NIPA2: variants seen among roughly 807,000 people sequenced by gnomAD.
NIPA2 encodes the protein NIPA magnesium transporter 2.
A neutral mutation model predicts 29.7 loss-of-function variants in NIPA2; 11 were observed. The observed-to-expected ratio is 0.37, with a 90% CI of 0.23 to 0.61. The LOEUF (loss-of-function observed/expected upper bound fraction) is 0.61, where lower values mean the gene tolerates loss of function less well. Ranked by LOEUF, NIPA2 falls within the 20% of genes least tolerant of loss-of-function variation. NIPA2 has a pLI of 0.66. For synonymous variants in NIPA2, 183 were observed against 161.9 expected (o/e 1.13, Z -0.99); for missense variants, 426 against 437.9 (o/e 0.97, Z 0.24).
intron 7 of NIPA2, among the ~76,000 whole-genome samples, chr15:22,861,098 A>G (rs746183120): frequency 2.6e-5 from 4 of 152,210 alleles, no homozygotes; most frequent in Non-Finnish European, 5.9e-5. Context: ...TCATTGATAC[A>G]TAACTTTTAT....
intron 7 of NIPA2, among the ~76,000 whole-genome samples, chr15:22,864,322 T>G (rs1213999299): frequency 6.6e-6 from 1 of 151,934 alleles, no homozygotes; most frequent in Non-Finnish European, 1.5e-5. Context: ...GCCTGGCTAA[T>G]TTTTTGTATT....
At chr15:22,862,267 C>T (rs943253054) in intron 7 of NIPA2, among the ~76,000 whole-genome samples, 1 of 151,276 alleles carries the variant, frequency 6.6e-6, no homozygotes, top group African/African-American at 2.4e-5. Context: ...AGGCTGGTCT[C>T]GAATTCCTGA....
chr15:22,864,968 TCTC>T (rs2058885844), intron 7 of NIPA2, among the ~76,000 whole-genome samples: 1 of 151,948 alleles, frequency 6.6e-6, no homozygotes, highest in Non-Finnish European at 1.5e-5. Flanking sequence ...TTCAAGCGAT[TCTC>T]CTGTTTCAGC....
chr15:22,851,525 G>T, intron 3 of NIPA2, 114 bp from the exon 4 acceptor site: 1 of 338,924 alleles, frequency 3.0e-6, no homozygotes, highest in South Asian at 9.5e-5. Context: ...ATCAATATTA[G>T]TAATGAAGGA....
At position 22,851,833 on chromosome 15, in the gene NIPA2, C is replaced by T. The variant is rs1355186213; in HGVS notation, c.102C>T (p.Gly34=). Residue 34 remains glycine (G), a synonymous_variant, in exon 4 of 8, where the codon GGC becomes GGT. Transcript: ENST00000337451. ...IGGSFILKKK[G]LLRLARKGSM... is the part of the protein sequence containing the mutation. ...GAAGTTTCATTTTGAAAAAAAAGGG[C>T]CTCCTTCGACTTGCCAGGAAAGGCT... 1 of 1,613,642 alleles carries T rather than the reference C, an allele frequency of 6.2e-7. No homozygotes were observed. The highest frequency in any genetic ancestry group is 1.1e-5 in the South Asian group (1 of 91,054).
At chr15:22,866,112 A>T (rs372661694) in intron 7 of NIPA2, 101 bp from the exon 8 acceptor site, 1 of 960,858 alleles carries the variant, frequency 1.0e-6, no homozygotes, top group East Asian at 2.6e-5. Flanking sequence ...TTTCCAGGCC[A>T]TACCTTTTCT....
In NIPA2 at chr15:22,866,939, T is replaced by C; in HGVS notation, c.*92T>C. The C allele has an allele frequency of 1.6e-6, 2 of 1,259,500 alleles. No individual in the cohort carries two copies. Among genetic ancestry groups the C allele is most frequent in the African/African-American group, 1.5e-5 (1 of 67,090 alleles). The allele number at this position is 1,259,500 out of a possible 1,614,324, so 78.0% of individuals were successfully genotyped here. A position where few individuals can be genotyped will look rare whatever the true frequency, so the allele number is the denominator to read the frequency against. Reference sequence around the variant, plus strand: ...CTGAAAAAACATTGTCCTCAAATAATGTTCTTTAAAGGCAATCTTTTTAAA... The same window carrying C: ...CTGAAAAAACATTGTCCTCAAATAACGTTCTTTAAAGGCAATCTTTTTAAA... On this transcript the variant is annotated 3_prime_UTR_variant, in exon 8 of 8. Coordinates refer to ENST00000337451, the MANE Select transcript of NIPA2 (RefSeq NM_030922.7).
intron 2 of NIPA2, among the ~76,000 whole-genome samples, chr15:22,843,890 G>T (rs936481752): frequency 3.3e-5 from 5 of 152,108 alleles, no homozygotes; most frequent in African/African-American, 1.2e-4. Context: ...TAGAGATGGG[G>T]TTTCACCATG....
chr15:22,842,963 A>T (rs887056331), intron 2 of NIPA2, among the ~76,000 whole-genome samples: 35 of 151,766 alleles, frequency 2.3e-4, no homozygotes, highest in East Asian at 3.9e-4. Flanking sequence ...AGATTGCGTC[A>T]CTGCACTCCA....
rs749723731 is a variant in NIPA2 at position 22,866,756 on chromosome 15, TTAATAA to T, written c.997_1002del (p.Asn333_Asn334del). ...AATCTCTCTAATATGTATGAAGTTC[TTAATAA>T]TAATGAAGAAAGCTTAACCTGTGGA... On this transcript the variant is annotated inframe_deletion, in exon 8 of 8. Transcript: ENST00000337451. The T allele has an allele frequency of 2.3e-5, 37 of 1,613,718 alleles. No homozygotes were observed. The South Asian group carries it at 3.5e-4, about 15-fold the overall frequency.
chr15:22,856,830 G>C (rs542942874), intron 5 of NIPA2, among the ~76,000 whole-genome samples: 4 of 152,136 alleles, frequency 2.6e-5, no homozygotes. Flanking sequence ...GCTCTCATAC[G>C]CTGCTAAATG....
intron 4 of NIPA2, 58 bp from the exon 5 acceptor site, chr15:22,853,154 T>C (rs942541670): frequency 1.8e-5 from 20 of 1,138,614 alleles, no homozygotes; most frequent in Non-Finnish European, 2.4e-5. Flanking sequence ...CTAATAGTTA[T>C]AATTTATACA....
intron 7 of NIPA2, among the ~76,000 whole-genome samples, chr15:22,862,914 T>TA (rs2141545123): frequency 6.8e-6 from 1 of 147,556 alleles, no homozygotes; most frequent in Non-Finnish European, 1.5e-5. Context: ...TTTTTTTTTT[T>TA]TTTTGGAGAC....
chr15:22,844,758 C>CACAACAACAACA lies in NIPA2; in HGVS notation c.-215-377_-215-366dup, dbSNP rs200008818. Among the ~76,000 whole-genome samples the CACAACAACAACA allele has an allele frequency of 1.1e-3, 168 of 151,914 alleles. 1 individual carries two copies. The highest frequency in any genetic ancestry group is 2.2e-3 in the Non-Finnish European group (148 of 67,928). ...AACAGAGTGAGACACTGTCAAAAAC[C>CACAACAACAACA]ACAACAACAACAACAACAACAAAAA... is the stretch of plus-strand genomic sequence containing the variant. On this transcript the variant is annotated intron_variant, in intron 2 of 7. Transcript: ENST00000337451.
rs2059268315 is a variant in NIPA2 at position 22,868,134 on chromosome 15, A to AGCTC, written c.*1288_*1291dup. The AGCTC allele has an allele frequency of 2.0e-5, 3 of 152,252 alleles. No homozygotes were observed. The highest frequency in any genetic ancestry group is 1.3e-4 in the Admixed American group (2 of 15,292). The allele number at this position is 152,252 out of a possible 1,614,324, so 9.4% of individuals were successfully genotyped here. A position where few individuals can be genotyped will look rare whatever the true frequency, so the allele number is the denominator to read the frequency against. On this transcript the variant is annotated 3_prime_UTR_variant, in exon 8 of 8. Coordinates refer to ENST00000337451, the MANE Select transcript of NIPA2 (RefSeq NM_030922.7). ...TGCCAATGGTGCTGGTATCCCATGCAGCTCACCACTGGCTGCGTGGAAACT... is the reference window on the plus strand; with the variant it reads ...TGCCAATGGTGCTGGTATCCCATGCAGCTCGCTCACCACTGGCTGCGTGGAAACT...
chr15:22,840,298 T>G (rs892214830), intron 2 of NIPA2, among the ~76,000 whole-genome samples: 27 of 144,230 alleles, frequency 1.9e-4, no homozygotes, highest in African/African-American at 6.4e-4. Flanking sequence ...TAGTTTTTTT[T>G]TTTGTTTTTT....
intron 2 of NIPA2, among the ~76,000 whole-genome samples, chr15:22,843,262 T>G (rs564801569): frequency 6.6e-6 from 1 of 152,014 alleles, no homozygotes; most frequent in Non-Finnish European, 1.5e-5. Flanking sequence ...CCCAGCACTT[T>G]AGGAGGCCAA....
At chr15:22,859,035 G>A (rs781250440) in intron 6 of NIPA2, among the ~76,000 whole-genome samples, 5 of 151,948 alleles carry the variant, frequency 3.3e-5, no homozygotes, top group East Asian at 1.9e-4. Context: ...TTAGCTGGGC[G>A]TGGTGGCGGG....
intron 2 of NIPA2, among the ~76,000 whole-genome samples, chr15:22,842,875 C>T (rs533237319): frequency 6.6e-6 from 1 of 150,548 alleles, no homozygotes; most frequent in Non-Finnish European, 1.5e-5. Context: ...TAGTGGTGGG[C>T]GCCTGTAGTC....
Sources: allele counts gnomAD v4.1 joint callset (sites outside exome capture counted in the v4.1 genomes callset), GRCh38; gene constraint gnomAD v4.1.1; transcripts MANE v1.5; gene names NCBI Gene and HGNC (gene_info 2026-07-23, HGNC 2026-07-21).